PGCKA1: variants seen among roughly 807,000 people sequenced by gnomAD.
PGCKA1 encodes the protein PDCD10 and GCKIII kinases associated 1.
At chr4:37,564,026 G>A in the PGCKA1 span, among the ~76,000 whole-genome samples, 1,099 of 152,170 alleles carry the variant, frequency 7.2e-3, 4 homozygotes, top group Middle Eastern at 0.02. Flanking sequence ...TAATCCCAGC[G>A]TTTTGGGAGG....
the PGCKA1 span, among the ~76,000 whole-genome samples, chr4:37,490,940 C>T: frequency 1.3e-5 from 2 of 152,004 alleles, no homozygotes; most frequent in South Asian, 4.2e-4. Context: ...AGGGAGTACC[C>T]CCAAAATTGT....
At chr4:37,551,963 G>C in the PGCKA1 span, among the ~76,000 whole-genome samples, 30 of 152,240 alleles carry the variant, frequency 2.0e-4, no homozygotes, top group East Asian at 5.6e-3. Context: ...CTAATAAAAA[G>C]TGAGAGTCTC....
At chr4:37,472,040 C>T in the PGCKA1 span, among the ~76,000 whole-genome samples, 7 of 152,086 alleles carry the variant, frequency 4.6e-5, no homozygotes, top group South Asian at 2.1e-4. Flanking sequence ...CCAGTGGCTC[C>T]GTCTGGGCTG....
the PGCKA1 span, among the ~76,000 whole-genome samples, chr4:37,502,922 C>T: frequency 3.3e-5 from 5 of 152,056 alleles, no homozygotes; most frequent in African/African-American, 7.2e-5. Flanking sequence ...TTGCTGAGGT[C>T]GGACTGGCCC....
chr4:37,575,267 G>C, the PGCKA1 span, among the ~76,000 whole-genome samples: 23,047 of 151,924 alleles, frequency 0.15, 4,816 homozygotes, highest in African/African-American at 0.47. Context: ...TTGTTGTTGC[G>C]CATCTTTTGG....
At chr4:37,532,882 G>T in the PGCKA1 span, among the ~76,000 whole-genome samples, 2 of 124,802 alleles carry the variant, frequency 1.6e-5, no homozygotes, top group African/African-American at 5.6e-5. Context: ...GAAATGTCAT[G>T]CATTTTTGTA....
At chr4:37,524,023 A>G in the PGCKA1 span, among the ~76,000 whole-genome samples, 1 of 152,248 alleles carries the variant, frequency 6.6e-6, no homozygotes, top group African/African-American at 2.4e-5. Context: ...AAATCTGTCC[A>G]TAGCATTTCT....
At chr4:37,589,459 A>G in the PGCKA1 span, among the ~76,000 whole-genome samples, 2 of 152,142 alleles carry the variant, frequency 1.3e-5, no homozygotes, top group South Asian at 4.1e-4. Context: ...CATATTTATC[A>G]TTTTAGTGAC....
At chr4:37,586,307 A>G in the PGCKA1 span, among the ~76,000 whole-genome samples, 1 of 152,200 alleles carries the variant, frequency 6.6e-6, no homozygotes, top group Non-Finnish European at 1.5e-5. Flanking sequence ...CAACAGGTTC[A>G]CTGATAGTGC....
At chr4:37,469,451 G>C in the PGCKA1 span, among the ~76,000 whole-genome samples, 63,446 of 151,988 alleles carry the variant, frequency 0.42, 13,729 homozygotes, top group East Asian at 0.56. Context: ...GAGAAAGCGT[G>C]GAAGAGCAGC....
the PGCKA1 span, among the ~76,000 whole-genome samples, chr4:37,565,568 C>A: frequency 6.6e-6 from 1 of 152,190 alleles, no homozygotes; most frequent in South Asian, 2.1e-4. Context: ...CAGAGACCAA[C>A]CCAGATGGAG....
chr4:37,501,345 C>T, the PGCKA1 span, among the ~76,000 whole-genome samples: 1 of 152,118 alleles, frequency 6.6e-6, no homozygotes, highest in East Asian at 1.9e-4. Context: ...CCAACAGGGG[C>T]ATCAGATTCT....
At chr4:37,557,743 T>A in the PGCKA1 span, among the ~76,000 whole-genome samples, 7 of 152,338 alleles carry the variant, frequency 4.6e-5, no homozygotes, top group Admixed American at 3.9e-4. Flanking sequence ...ACAGTTTATA[T>A]GATGTTCCAT....
the PGCKA1 span, among the ~76,000 whole-genome samples, chr4:37,555,389 G>T: frequency 6.6e-6 from 1 of 152,158 alleles, no homozygotes; most frequent in Non-Finnish European, 1.5e-5. Context: ...ATTCATAGAG[G>T]ACACTCTGAG....
chr4:37,457,516 C>T, the PGCKA1 span, among the ~76,000 whole-genome samples: 3 of 152,170 alleles, frequency 2.0e-5, no homozygotes, highest in Non-Finnish European at 4.4e-5. Context: ...TTCACTTGAT[C>T]ACTAGTTGTG....
At chr4:37,491,939 G>T in the PGCKA1 span, among the ~76,000 whole-genome samples, 119 of 151,620 alleles carry the variant, frequency 7.8e-4, 1 homozygote, top group Admixed American at 3.5e-3. Flanking sequence ...TTTCTAAGAG[G>T]TCCTTTTTTA....
At chr4:37,571,535 GTATTTT>G in the PGCKA1 span, among the ~76,000 whole-genome samples, 2 of 143,782 alleles carry the variant, frequency 1.4e-5, no homozygotes, top group Non-Finnish European at 3.1e-5. Flanking sequence ...GCTAATTTTT[GTATTTT>G]TATTTTTATT....
At chr4:37,524,727 T>C in the PGCKA1 span, among the ~76,000 whole-genome samples, 3 of 152,240 alleles carry the variant, frequency 2.0e-5, no homozygotes, top group Non-Finnish European at 4.4e-5. Context: ...TAGTTTCTTA[T>C]GGTGTACTGC....
At chr4:37,483,773 A>C in the PGCKA1 span, among the ~76,000 whole-genome samples, 3 of 152,028 alleles carry the variant, frequency 2.0e-5, no homozygotes, top group East Asian at 5.8e-4. Context: ...GGTGAACACC[A>C]CTCTGCTCTG....
Sources: allele counts gnomAD v4.1 joint callset (sites outside exome capture counted in the v4.1 genomes callset), GRCh38; gene constraint gnomAD v4.1.1; transcripts MANE v1.5; gene names NCBI Gene and HGNC (gene_info 2026-07-23, HGNC 2026-07-21).